The following PPP2R5C variants were observed in gnomAD, a reference collection of about 807,000 sequenced individuals.
PPP2R5C encodes the protein serine/threonine-protein phosphatase 2A 56 kDa regulatory subunit gamma isoform.
In PPP2R5C, 7 loss-of-function variants were observed where a neutral mutation model predicts 68.9. That is an observed-to-expected ratio of 0.10 (90% CI 0.06 to 0.19). The LOEUF is 0.19. Among genes scored for constraint, PPP2R5C ranks in the 10% least tolerant of loss-of-function variants. The pLI is 1.00. For missense variants in PPP2R5C, 348 were observed against 641.3 expected (o/e 0.54, Z 4.94); for synonymous variants, 210 against 222.2 (o/e 0.95, Z 0.49).
exon 14 of PPP2R5C, chr14:101,925,792 C>T (rs2047266057): frequency 6.6e-6 from 1 of 152,666 alleles, no homozygotes; most frequent in African/African-American, 2.4e-5. Context: ...TTCGAGTTCT[C>T]ACGCAACGTA....
At chr14:101,883,554 A>G (rs753296955) in exon 5 of PPP2R5C, 7 of 1,612,772 alleles carry the variant, frequency 4.3e-6, no homozygotes, top group Non-Finnish European at 5.9e-6. Context: ...TAAATAATAT[A>G]TTTTATAGGT....
chr14:101,906,388 CT>C lies in PPP2R5C; in HGVS notation c.1024-12del. On this transcript the variant is annotated splice_polypyrimidine_tract_variant and intron_variant, in intron 9 of 13. Transcript: ENST00000334743. The surrounding 1 kb of genome is among the most constrained non-coding windows in gnomAD (Gnocchi z 4.0). ...GGCACAACCTCCAGCAAGCCATCCA[CT>C]TGTGTCTTTCAGGTGGCAGAGCGAG... 1.3e-6 allele frequency: 2 copies of C among 1,583,904 alleles called. No individual in the cohort carries two copies. The highest frequency in any genetic ancestry group is 1.7e-6 in the Non-Finnish European group (2 of 1,167,052).
At chr14:101,912,502 G>A (rs781320199) in intron 12 of PPP2R5C, 29 bp downstream of exon 14, 14 of 1,584,774 alleles carry the variant, frequency 8.8e-6, no homozygotes, top group African/African-American at 4.1e-5. Context: ...ACATGAAAAC[G>A]CCCAGGGTTA....
At chr14:101,814,666 AAG>A (rs1281126245) in intron 1 of PPP2R5C, among the ~76,000 whole-genome samples, 2 of 152,216 alleles carry the variant, frequency 1.3e-5, no homozygotes, top group African/African-American at 4.8e-5. Flanking sequence ...AGAGGAATGA[AAG>A]AAAAATAGAG....
At chr14:101,795,187 C>T (rs1303805093) in intron 3 of PPP2R5C, among the ~76,000 whole-genome samples, 1 of 152,078 alleles carries the variant, frequency 6.6e-6, no homozygotes, top group Non-Finnish European at 1.5e-5. Flanking sequence ...ATCTTTGAAC[C>T]TTTCCTTAAG....
At chr14:101,918,101 G>C in intron 13 of PPP2R5C, 154 bp downstream of exon 15, 1 of 622,544 alleles carries the variant, frequency 1.6e-6, no homozygotes, top group Non-Finnish European at 1.9e-6. Flanking sequence ...TGTATCGATA[G>C]ATCTTAGTGA....
At chr14:101,857,173 A>G (rs1292308928) in intron 2 of PPP2R5C, among the ~76,000 whole-genome samples, 6 of 152,318 alleles carry the variant, frequency 3.9e-5, no homozygotes, top group Non-Finnish European at 5.9e-5. Context: ...TTGTATTTCT[A>G]TTTATTATTT....
chr14:101,857,383 A>C (rs1201157795), intron 2 of PPP2R5C, among the ~76,000 whole-genome samples: 1 of 151,700 alleles, frequency 6.6e-6, no homozygotes, highest in Non-Finnish European at 1.5e-5. Flanking sequence ...CAGTGCTGGG[A>C]TCAGGACAGC....
chr14:101,845,744 G>C (rs1207481436), intron 1 of PPP2R5C, among the ~76,000 whole-genome samples: 1 of 152,140 alleles, frequency 6.6e-6, no homozygotes, highest in African/African-American at 2.4e-5. Context: ...TCAGGTTTGT[G>C]AGGGAACCCC....
intron 1 of PPP2R5C, among the ~76,000 whole-genome samples, chr14:101,846,583 GAT>G (rs1354704538): frequency 1.3e-5 from 2 of 152,232 alleles, no homozygotes; most frequent in Admixed American, 6.5e-5. Flanking sequence ...ACATTTTGTA[GAT>G]ATATAGAAGT....
chr14:101,845,235 G>A (rs1169365406), intron 1 of PPP2R5C, among the ~76,000 whole-genome samples: 1 of 152,142 alleles, frequency 6.6e-6, no homozygotes, highest in Non-Finnish European at 1.5e-5. Flanking sequence ...GAATGTGCAT[G>A]TGTGTCCACA....
chr14:101,842,675 G>C (rs2041554877), intron 1 of PPP2R5C, among the ~76,000 whole-genome samples: 1 of 152,048 alleles, frequency 6.6e-6, no homozygotes, highest in African/African-American at 2.4e-5. Flanking sequence ...AGAGCAGCGT[G>C]GCCGTGGTGC....
At chr14:101,860,515 T>C (rs1020898293) in intron 2 of PPP2R5C, among the ~76,000 whole-genome samples, 7 of 152,226 alleles carry the variant, frequency 4.6e-5, no homozygotes, top group African/African-American at 1.7e-4. Context: ...CAAGCTTTTG[T>C]ATGAACGTGT....
chr14:101,890,069 C>A, intron 5 of PPP2R5C, 168 bp from the exon 8 acceptor site: 1 of 702,740 alleles, frequency 1.4e-6, no homozygotes, highest in South Asian at 1.5e-5. Flanking sequence ...CAGCTGCAGG[C>A]CTTGAGGAGT....
In PPP2R5C at chr14:101,797,729, C is replaced by A; in HGVS notation, c.259+11546C>A. 1 of 159,374 alleles carries A rather than the reference C, an allele frequency of 6.3e-6. No individual in the cohort carries two copies. The highest frequency in any genetic ancestry group is 1.4e-5 in the Non-Finnish European group (1 of 72,386). The allele number at this position is 159,374 out of a possible 1,614,324, so 9.9% of individuals were successfully genotyped here. A position where few individuals can be genotyped will look rare whatever the true frequency, so the allele number is the denominator to read the frequency against. On this transcript the variant is annotated intron_variant, in intron 3 of 14. Transcript: ENST00000328724. This position sits in a 1 kb window ranked among gnomAD's most constrained non-coding sequence, Gnocchi z 4.2. ...CCGATGTATGCATACTTTTACTTCG[C>A]GTTGGTTCCCTACGTTCTTAGAACA...
chr14:101,833,814 G>A (rs540822703), intron 1 of PPP2R5C, among the ~76,000 whole-genome samples: 31 of 151,942 alleles, frequency 2.0e-4, no homozygotes, highest in East Asian at 3.9e-4. Context: ...GGCATTTTTT[G>A]TTTTTAAGAC....
chr14:101,778,431 C>A (rs1359036517), intron 2 of PPP2R5C, among the ~76,000 whole-genome samples: 1 of 152,104 alleles, frequency 6.6e-6, no homozygotes, highest in Non-Finnish European at 1.5e-5. Context: ...TATCTGTTTT[C>A]TTTTTAGTTG....
intron 2 of PPP2R5C, among the ~76,000 whole-genome samples, chr14:101,775,445 T>C (rs538006081): frequency 3.3e-5 from 5 of 152,324 alleles, no homozygotes; most frequent in African/African-American, 1.2e-4. Context: ...TTACTCCCAA[T>C]ATACTGGGGT....
At chr14:101,884,133 AAGAATTT>A (rs1453614512) in intron 5 of PPP2R5C, among the ~76,000 whole-genome samples, 2 of 152,192 alleles carry the variant, frequency 1.3e-5, no homozygotes, top group Non-Finnish European at 1.5e-5. Context: ...CCAGAAGCTG[AAGAATTT>A]AGAGTCCAAT....
Sources: gnomAD v4.1 joint callset for allele counts (sites outside exome capture counted in the v4.1 genomes callset) on GRCh38, gnomAD v4.1.1 for gene constraint, Gnocchi (gnomAD v3.1) non-coding constraint, MANE v1.5 for transcripts, NCBI Gene and HGNC (gene_info 2026-07-23, HGNC 2026-07-21) for gene names.